The following TBC1D9B variants were observed in gnomAD, a reference collection of about 807,000 sequenced individuals.
TBC1D9B encodes TBC1 domain family, member 9B (with GRAM domain).
TBC1D9B carries 87 observed loss-of-function variants against 121.1 expected under a neutral mutation model. That is an observed-to-expected ratio of 0.72 (90% confidence interval 0.60 to 0.86). The LOEUF is 0.86. Ranked by LOEUF, TBC1D9B falls within the 40% of genes least tolerant of loss-of-function variation. TBC1D9B has a pLI of 0.00. For synonymous variants in TBC1D9B, 668 were observed against 670.1 expected (o/e 1.00, Z 0.05); for missense variants, 1,540 against 1,628.6 (o/e 0.95, Z 0.94).
chr5:179,862,807 C>G lies in TBC1D9B; in HGVS notation c.*641G>C, dbSNP rs1323738289. 1 of 337,850 alleles carries G rather than the reference C, an allele frequency of 3.0e-6. No homozygotes were observed. Among genetic ancestry groups the G allele is most frequent in the Non-Finnish European group, 6.0e-6 (1 of 165,848 alleles). The allele number at this position is 337,850 out of a possible 1,614,324, so 20.9% of individuals were successfully genotyped here. A position where few individuals can be genotyped will look rare whatever the true frequency, so the allele number is the denominator to read the frequency against. On this transcript the variant is annotated 3_prime_UTR_variant, in exon 21 of 21. Transcript: ENST00000355235. ...AATTTCTAGCCAAGTGAAATGAATC[C>G]AAGGAAATATATCAGGACCTGAGGG...
At position 179,891,944 on chromosome 5, in the gene TBC1D9B, T is replaced by C. The variant is rs992810501; in HGVS notation, c.837-358A>G. On this transcript the variant is annotated intron_variant, in intron 5 of 20. Coordinates refer to ENST00000355235, the MANE Select transcript of TBC1D9B (RefSeq NM_015043.4). The surrounding 1 kb of genome is among the most constrained non-coding windows in gnomAD (Gnocchi z 4.3). ...GCACCTGCCCTGGATCCCACTCAGA[T>C]GGAGGGCCCCGGGCAGCTCTTCCAC... Among the ~76,000 whole-genome samples the C allele has an allele frequency of 6.6e-6, 1 of 152,120 alleles. No homozygotes were observed. The highest frequency in any genetic ancestry group is 1.5e-5 in the Non-Finnish European group (1 of 68,002).
At position 179,876,420 on chromosome 5, in the gene TBC1D9B, T is replaced by C. The variant is rs1256945463; in HGVS notation, c.1783-383A>G. The stretch of plus-strand genomic sequence containing the variant: ...ACTTCTGCGGAGTGGTGTTGGGTGT[T>C]GGAGGTGGGATTATGACCAAGCTGA... On this transcript the variant is annotated intron_variant, in intron 10 of 20. Transcript: ENST00000355235. Among the ~76,000 whole-genome samples, 9 of 152,142 alleles carry C rather than the reference T, an allele frequency of 5.9e-5. 1 individual carries two copies. The highest frequency in any genetic ancestry group is 1.9e-4 in the East Asian group (1 of 5,190).
rs771506816 is a variant in TBC1D9B, at chr5:179,870,386, C to T, written c.2594G>A (p.Arg865Gln). The change falls in exon 16 of 21, where the codon CGG (arginine) becomes CAG (glutamine). Residue 865 changes from arginine to glutamine, a missense_variant. Coordinates refer to ENST00000355235, the MANE Select transcript of TBC1D9B (RefSeq NM_015043.4). The part of the protein sequence containing the change: ...EQYRIDASQF[R>Q]ELFASLTPWA... ...GGGTGTCAGGCTGGCAAAGAGTTCC[C>T]GGAACTGGCTGGCATCAATCCGGTA... The T allele has an allele frequency of 1.7e-5, 27 of 1,613,672 alleles. No homozygotes were observed. Among genetic ancestry groups the T allele is most frequent in the East Asian group, 4.5e-5 (2 of 44,892 alleles).
chr5:179,866,100 G>C, intron 18 of TBC1D9B: 1 of 562,498 alleles, frequency 1.8e-6, no homozygotes, highest in Non-Finnish European at 3.2e-6. Context: ...TCCCTCACTT[G>C]GTCAGGTTAA....
At chr5:179,882,849 AG>A (rs1760578936) in intron 7 of TBC1D9B, among the ~76,000 whole-genome samples, 1 of 152,090 alleles carries the variant, frequency 6.6e-6, no homozygotes, top group Non-Finnish European at 1.5e-5. Flanking sequence ...CCCAACAAAA[AG>A]TTACTCTAAA....
intron 14 of TBC1D9B, chr5:179,872,675 C>T (rs1408400602): frequency 1.1e-5 from 6 of 570,712 alleles, no homozygotes; most frequent in African/African-American, 5.6e-5. Flanking sequence ...AGAAGCTTCC[C>T]GGTGACACAT....
chr5:179,893,265 C>G lies in TBC1D9B; in HGVS notation c.780G>C (p.Glu260Asp). 1.2e-6 allele frequency: 2 copies of G among 1,613,730 alleles called. No individual in the cohort carries two copies. Among genetic ancestry groups the G allele is most frequent in the Non-Finnish European group, 1.7e-6 (2 of 1,180,036 alleles). The change falls in exon 5 of 21, where the codon GAG (glutamate) becomes GAC (aspartate). Residue 260 changes from glutamate to aspartate, a missense_variant. Transcript: ENST00000355235. Reference protein sequence around the residue: ...RQLLDSEGFLEDKALPRPIRP... With the variant: ...RQLLDSEGFLDDKALPRPIRP... ...GGATGGGCCTAGGCAGGGCCTTGTC[C>G]TCCAGGAAGCCCTCGCTGTCCAGCA...
rs1761360173 is a variant in TBC1D9B, at chr5:179,907,583, T to C, written c.118+121A>G. The C allele has an allele frequency of 2.3e-6, 1 of 429,596 alleles. No individual in the cohort carries two copies. The highest frequency in any genetic ancestry group is 6.7e-5 in the Admixed American group (1 of 15,024). 26.6% of individuals were successfully genotyped at this position (429,596 alleles called of 1,614,324 possible). On this transcript the variant is annotated intron_variant, in intron 1 of 20. Coordinates refer to ENST00000355235, the MANE Select transcript of TBC1D9B (RefSeq NM_015043.4). The surrounding 1 kb of genome is among the most constrained non-coding windows in gnomAD (Gnocchi z 5.3). ...GCCCCCGCCCCGCCGCGCGCTGGCG[T>C]GCGTGTCCGCCGCGACGCGCCGAGG...
At chr5:179,867,733 G>A in intron 18 of TBC1D9B, 45 bp downstream of exon 18, 1 of 1,604,030 alleles carries the variant, frequency 6.2e-7, no homozygotes, top group Non-Finnish European at 8.5e-7. Flanking sequence ...GGCGGTGGCT[G>A]CAGAGTGCTG....
rs1029447726 is a variant in TBC1D9B at position 179,878,504 on chromosome 5, C to T, written c.1587G>A (p.Val529=). 1 of 1,606,878 alleles carries T rather than the reference C, an allele frequency of 6.2e-7. No homozygotes were observed. Among genetic ancestry groups the T allele is most frequent in the Admixed American group, 1.7e-5 (1 of 59,072 alleles). The change falls in exon 10 of 21, where the codon GTG becomes GTA. Residue 529 remains valine (V), a synonymous_variant. Transcript: ENST00000355235. ...LLFSGAWNEM[V]THPGYYAELV... ...GCTCAGCATAGTACCCGGGGTGAGT[C>T]ACCATCTCATTCCAGGCCCCTGGGG...
intron 8 of TBC1D9B, 172 bp from the exon 9 acceptor site, chr5:179,879,369 C>A: frequency 8.8e-7 from 1 of 1,140,430 alleles, no homozygotes; most frequent in Non-Finnish European, 1.2e-6. Flanking sequence ...TCCCAAGGCT[C>A]AGGAGACCAG....
At chr5:179,884,655 A>C (rs1011948300) in intron 7 of TBC1D9B, 14 of 152,250 alleles carry the variant, frequency 9.2e-5, no homozygotes, top group African/African-American at 3.4e-4. Flanking sequence ...TGGCTTATCC[A>C]TACAATGGCA....
rs1178527011 is a variant in TBC1D9B at position 179,874,863 on chromosome 5, C to T, written c.2186+39G>A. The T allele has an allele frequency of 6.2e-7, 1 of 1,601,830 alleles. No homozygotes were observed. The highest frequency in any genetic ancestry group is 1.7e-5 in the Admixed American group (1 of 59,678). ...TGCCCGGGGCTGGTGAGGGGTTCTG[C>T]TGTGAGCCCCCAGCAGGAGAAGGAA... On this transcript the variant is annotated intron_variant, in intron 12 of 20. Transcript: ENST00000355235. The surrounding 1 kb of genome is among the most constrained non-coding windows in gnomAD (Gnocchi z 4.3).
rs968162118 is a variant in TBC1D9B at position 179,871,388 on chromosome 5, T to G, written c.2484+74A>C. 15 of 1,447,800 alleles carry G rather than the reference T, an allele frequency of 1.0e-5. No individual in the cohort carries two copies. In the African/African-American group the frequency reaches 1.8e-4, roughly 18 times the overall value. 89.7% of individuals were successfully genotyped at this position (1,447,800 alleles called of 1,614,324 possible). ...TTTCTATCTACTTCTAAGAGGATAC[T>G]CTTAGATCCATTTCTTTTCTGGCAG... On this transcript the variant is annotated intron_variant, in intron 15 of 20. Coordinates refer to ENST00000355235, the MANE Select transcript of TBC1D9B (RefSeq NM_015043.4).
In TBC1D9B at chr5:179,907,360, T is replaced by C. The variant is rs1761353021; in HGVS notation, c.118+344A>G. 6.6e-6 allele frequency among the ~76,000 whole-genome samples: 1 copy of C among 151,936 alleles called. No individual in the cohort carries two copies. The highest frequency in any genetic ancestry group is 6.5e-5 in the Admixed American group (1 of 15,276). On this transcript the variant is annotated intron_variant, in intron 1 of 20. Transcript: ENST00000355235. The surrounding 1 kb of genome is among the most constrained non-coding windows in gnomAD (Gnocchi z 5.3). Reference sequence around the variant, plus strand: ...GAGGACAGGGCGGTCTCGCCAACTTTCGGCGGTGAGATCCCGGGAAGCTGC... The same window carrying C: ...GAGGACAGGGCGGTCTCGCCAACTTCCGGCGGTGAGATCCCGGGAAGCTGC...
At chr5:179,906,625 G>A (rs979605393) in intron 1 of TBC1D9B, among the ~76,000 whole-genome samples, 9 of 152,322 alleles carry the variant, frequency 5.9e-5, no homozygotes, top group Admixed American at 3.3e-4. Context: ...GATCTAGGAG[G>A]CGGGTCCAGA....
intron 7 of TBC1D9B, chr5:179,887,870 G>A (rs913799103): frequency 1.7e-6 from 1 of 588,724 alleles, no homozygotes; most frequent in Middle Eastern, 4.5e-4. Context: ...CATGGGCAAT[G>A]GGCCCAGCAG....
At chr5:179,905,814 C>CA (rs1761294493) in intron 1 of TBC1D9B, among the ~76,000 whole-genome samples, 1 of 152,206 alleles carries the variant, frequency 6.6e-6, no homozygotes, top group Non-Finnish European at 1.5e-5. Context: ...TATTTTGTTA[C>CA]CATTTTTCCT....
At chr5:179,898,279 T>C (rs1761072100) in intron 3 of TBC1D9B, among the ~76,000 whole-genome samples, 1 of 151,576 alleles carries the variant, frequency 6.6e-6, no homozygotes, top group Non-Finnish European at 1.5e-5. Context: ...AGCCTCCCGA[T>C]TAGCTGGAAC....
Sources: allele counts gnomAD v4.1 joint callset (sites outside exome capture counted in the v4.1 genomes callset), GRCh38; gene constraint gnomAD v4.1.1; non-coding constraint Gnocchi (gnomAD v3.1); transcripts MANE v1.5; gene names NCBI Gene and HGNC (gene_info 2026-07-23, HGNC 2026-07-21).